The following NECTIN2 variants were observed in gnomAD, a reference collection of about 807,000 sequenced individuals.
NECTIN2 encodes nectin-2.
In NECTIN2, 23 loss-of-function variants were observed where a neutral mutation model predicts 56.9. That is an observed-to-expected ratio of 0.40 (90% CI 0.29 to 0.57). The LOEUF (loss-of-function observed/expected upper bound fraction) is 0.57. NECTIN2 is among the 20% of genes least tolerant of loss of function. The pLI is 0.38. For missense variants in NECTIN2, 587 were observed against 718.3 expected (o/e 0.82, Z 2.09); for synonymous variants, 302 against 313.8 (o/e 0.96, Z 0.40).
intron 5 of NECTIN2, chr19:44,878,520 C>T: frequency 6.2e-7 from 1 of 1,614,070 alleles, no homozygotes; most frequent in Non-Finnish European, 8.5e-7. Context: ...GAAGAGAAGG[C>T]AGAGAAAGGC....
chr19:44,851,535 G>A (rs544082494), intron 1 of NECTIN2, among the ~76,000 whole-genome samples: 1 of 152,302 alleles, frequency 6.6e-6, no homozygotes, highest in African/African-American at 2.4e-5. Flanking sequence ...CCTGGATCTC[G>A]GGGTCTCAAG....
intron 1 of NECTIN2, among the ~76,000 whole-genome samples, chr19:44,857,710 T>G (rs8102345): frequency 0.22 from 31,672 of 146,282 alleles, 3,761 homozygotes; most frequent in East Asian, 0.47. Flanking sequence ...TTTTTGTTTT[T>G]GTTTTTTTTT....
intron 1 of NECTIN2, among the ~76,000 whole-genome samples, chr19:44,860,029 G>C (rs1195013056): frequency 1.3e-5 from 2 of 152,220 alleles, no homozygotes; most frequent in East Asian, 3.9e-4. Context: ...GAGCCTTAAA[G>C]AAGAGTGAAG....
At position 44,888,247 on chromosome 19, in the gene NECTIN2, G is replaced by A. The variant is rs1969383011; in HGVS notation, c.1485G>A (p.Glu495=). ...TGGAAGACGTTTCCCTGGATCTAGA[G>A]GATGAGGAGGGGGAGGAGGAGGAAG... ...PAVEDVSLDL[E]DEEGEEEEEY... The change falls in exon 9 of 9, where the codon GAG becomes GAA. Residue 495 remains glutamate (E), a synonymous_variant. Transcript: ENST00000252483. 3 of 1,614,146 alleles carry A rather than the reference G, an allele frequency of 1.9e-6. No individual in the cohort carries two copies. Among genetic ancestry groups the A allele is most frequent in the South Asian group, 1.1e-5 (1 of 91,090 alleles).
intron 1 of NECTIN2, among the ~76,000 whole-genome samples, chr19:44,861,382 A>T (rs1338012857): frequency 6.6e-6 from 1 of 152,248 alleles, no homozygotes; most frequent in Non-Finnish European, 1.5e-5. Flanking sequence ...CAGCAAAGAT[A>T]TGGAATCAAC....
intron 7 of NECTIN2, 66 bp from the exon 8 acceptor site, chr19:44,886,067 T>C: frequency 6.4e-7 from 1 of 1,571,108 alleles, no homozygotes; most frequent in Non-Finnish European, 8.8e-7. Context: ...GGGAGGGGCC[T>C]GGCAGGGAGA....
chr19:44,851,965 T>C (rs1968904196), intron 1 of NECTIN2, among the ~76,000 whole-genome samples: 1 of 152,014 alleles, frequency 6.6e-6, no homozygotes, highest in South Asian at 2.1e-4. Context: ...TCCCAGCTTC[T>C]CCCTGTCACC....
At chr19:44,854,242 G>A (rs1968937554) in intron 1 of NECTIN2, among the ~76,000 whole-genome samples, 1 of 151,958 alleles carries the variant, frequency 6.6e-6, no homozygotes, top group Non-Finnish European at 1.5e-5. Flanking sequence ...TTACAGGCAT[G>A]CAGCTAATTT....
chr19:44,885,138 A>C (rs1369327027), intron 6 of NECTIN2, among the ~76,000 whole-genome samples: 1 of 151,746 alleles, frequency 6.6e-6, no homozygotes, highest in Non-Finnish European at 1.5e-5. Context: ...CTGGGATTAC[A>C]GGCATGCGCC....
chr19:44,874,386 A>G lies in NECTIN2; in HGVS notation c.950A>G (p.His317Arg). ...GCCCAGGGCTCCCAGCTGGTCATCC[A>G]CGCAGTGGACAGTCTGTTCAATACC... Reference protein sequence around the residue: ...AVAQGSQLVIHAVDSLFNTTF... With the variant: ...AVAQGSQLVIRAVDSLFNTTF... Residue 317 changes from histidine to arginine, a missense_variant, in exon 5 of 9, where the codon CAC becomes CGC. Coordinates refer to ENST00000252483, the MANE Select transcript of NECTIN2 (RefSeq NM_001042724.2). The surrounding 1 kb of genome is among the most constrained non-coding windows in gnomAD (Gnocchi z 6.3). 1.2e-6 allele frequency: 2 copies of G among 1,614,098 alleles called. No homozygotes were observed. The highest frequency in any genetic ancestry group is 1.7e-6 in the Non-Finnish European group (2 of 1,179,990).
intron 5 of NECTIN2, chr19:44,878,567 A>T (rs1347047218): frequency 6.2e-7 from 1 of 1,613,524 alleles, no homozygotes; most frequent in East Asian, 2.2e-5. Context: ...CGAGGATGAC[A>T]TGGAGTCCCA....
intron 1 of NECTIN2, among the ~76,000 whole-genome samples, chr19:44,864,490 C>T (rs949066607): frequency 6.6e-6 from 1 of 152,032 alleles, no homozygotes; most frequent in Non-Finnish European, 1.5e-5. Flanking sequence ...ACTACCCTGG[C>T]CATCATGTCA....
rs868857404 is a variant in NECTIN2, at chr19:44,874,074, G to A, written c.893+41G>A. On this transcript the variant is annotated intron_variant, in intron 4 of 8. Coordinates refer to ENST00000252483, the MANE Select transcript of NECTIN2 (RefSeq NM_001042724.2). The surrounding 1 kb of genome is among the most constrained non-coding windows in gnomAD (Gnocchi z 6.3). ...TCAGAACCCTGGGTCTGAGGGAGGC[G>A]GGGCTGGGGGCCTGGACTCCTGGAT... 5.5e-5 allele frequency: 83 copies of A among 1,508,294 alleles called. No homozygotes were observed. The Admixed American group carries it at 9.4e-4, about 17-fold the overall frequency. 93.4% of individuals were successfully genotyped at this position (1,508,294 alleles called of 1,614,324 possible). A position where few individuals can be genotyped will look rare whatever the true frequency, so the allele number is the denominator to read the frequency against.
chr19:44,871,938 C>T lies in NECTIN2; in HGVS notation c.564C>T (p.Gly188=), dbSNP rs1401346643. The change falls in exon 3 of 9, where the codon GGC becomes GGT. Residue 188 remains glycine, a synonymous_variant. Coordinates refer to ENST00000252483, the MANE Select transcript of NECTIN2 (RefSeq NM_001042724.2). ...TTVALCISKE[G]RPPARISWLS... ...TGGCCCTCTGCATCTCCAAAGAGGG[C>T]CGCCCACCTGCCCGGATCTCCTGGC... is the stretch of plus-strand genomic sequence containing the variant. 1 of 1,614,126 alleles carries T rather than the reference C, an allele frequency of 6.2e-7. No individual in the cohort carries two copies. The highest frequency in any genetic ancestry group is 1.1e-5 in the South Asian group (1 of 91,078).
intron 1 of NECTIN2, among the ~76,000 whole-genome samples, chr19:44,850,408 G>A (rs1035810521): frequency 1.3e-5 from 2 of 152,112 alleles, no homozygotes; most frequent in East Asian, 1.9e-4. Context: ...ATTCTGGGAG[G>A]TCCAGGCAGG....
At chr19:44,858,451 T>C (rs1599911366) in intron 1 of NECTIN2, among the ~76,000 whole-genome samples, 1 of 152,074 alleles carries the variant, frequency 6.6e-6, no homozygotes, top group Admixed American at 6.6e-5. Context: ...GCCTCCCAAG[T>C]AGCTGGGAAT....
At chr19:44,877,420 C>T (rs1244922589) in intron 5 of NECTIN2, among the ~76,000 whole-genome samples, 1 of 152,272 alleles carries the variant, frequency 6.6e-6, no homozygotes, top group East Asian at 1.9e-4. Flanking sequence ...TCTCTCTCTC[C>T]GCCTCCCCAC....
chr19:44,881,534 A>G (rs1316457970), intron 5 of NECTIN2, among the ~76,000 whole-genome samples: 2 of 151,954 alleles, frequency 1.3e-5, no homozygotes, highest in Non-Finnish European at 2.9e-5. Context: ...AAAAAAAAAA[A>G]AAAAAAGCTG....
chr19:44,888,018 G>C lies in NECTIN2; in HGVS notation c.1348-92G>C, dbSNP rs1328467827. ...GTGGCATCTTGTTGGCATGGGGAGA[G>C]AGCGGTCAGGATTTTGGGGTCAAGA... On this transcript the variant is annotated intron_variant, in intron 8 of 8. Coordinates refer to ENST00000252483, the MANE Select transcript of NECTIN2 (RefSeq NM_001042724.2). The C allele has an allele frequency of 7.2e-6, 10 of 1,379,328 alleles. No homozygotes were observed. In the Admixed American group the frequency reaches 1.4e-4, roughly 19 times the overall value. 85.4% of individuals were successfully genotyped at this position (1,379,328 alleles called of 1,614,324 possible). A position where few individuals can be genotyped will look rare whatever the true frequency, so the allele number is the denominator to read the frequency against.
Sources: allele counts gnomAD v4.1 joint callset (sites outside exome capture counted in the v4.1 genomes callset), GRCh38; gene constraint gnomAD v4.1.1; non-coding constraint Gnocchi (gnomAD v3.1); transcripts MANE v1.5; gene names NCBI Gene and HGNC (gene_info 2026-07-23, HGNC 2026-07-21).